Variants in GABPA observed in about 807,000 individuals in gnomAD.
GABPA encodes GA-binding protein alpha chain.
In GABPA, 4 loss-of-function variants were observed where a neutral mutation model predicts 59.4. That is an observed-to-expected ratio of 0.07 (90% CI 0.03 to 0.15). GABPA has a LOEUF of 0.15. Among genes scored for constraint, GABPA ranks in the 10% least tolerant of loss-of-function variants. The pLI, the probability that GABPA is intolerant of heterozygous loss-of-function variation, is 1.00. For missense variants in GABPA, 251 were observed against 543.8 expected, an observed-to-expected ratio of 0.46 and a Z score of 5.36; for synonymous variants, 164 against 183.1, an observed-to-expected ratio of 0.90 and a Z score of 0.84.
chr21:25,766,179 A>T (rs1175740263), intron 9 of GABPA, among the ~76,000 whole-genome samples: 3 of 151,918 alleles, frequency 2.0e-5, no homozygotes, highest in Admixed American at 2.0e-4. Flanking sequence ...TGAGGAAACG[A>T]CCTGCTTTTC....
chr21:25,769,748 A>G lies in GABPA; in HGVS notation c.*516A>G, dbSNP rs577186166. On this transcript the variant is annotated 3_prime_UTR_variant, in exon 10 of 10. Transcript: ENST00000400075. ...AAATGTTCATACCGAATAAATTTAT[A>G]TTAATAAATTACTAAACTAAGAGTA... 2.0e-5 allele frequency: 3 copies of G among 152,748 alleles called. No individual in the cohort carries two copies. The highest frequency in any genetic ancestry group is 4.4e-5 in the Non-Finnish European group (3 of 68,136). The allele number at this position is 152,748 out of a possible 1,614,324, so 9.5% of individuals were successfully genotyped here. A position where few individuals can be genotyped will look rare whatever the true frequency, so the allele number is the denominator to read the frequency against.
intron 5 of GABPA, among the ~76,000 whole-genome samples, chr21:25,752,984 G>T (rs561779533): frequency 6.6e-6 from 1 of 152,154 alleles, no homozygotes; most frequent in Admixed American, 6.5e-5. Flanking sequence ...ATTTTATGAG[G>T]GTAGAGAGGG....
In GABPA at chr21:25,772,349, A is replaced by T. The variant is rs1568958776; in HGVS notation, c.*3117A>T. The T allele has an allele frequency of 6.6e-6, 1 of 151,900 alleles. No individual in the cohort carries two copies. Among genetic ancestry groups the T allele is most frequent in the Non-Finnish European group, 1.5e-5 (1 of 67,882 alleles). 9.4% of individuals were successfully genotyped at this position (151,900 alleles called of 1,614,324 possible). Reference sequence around the variant, plus strand: ...AATTATGTATTTCTTTGTGGTTTTAATTTTTTTTGTAATTTTACATAAAAC... The same window carrying T: ...AATTATGTATTTCTTTGTGGTTTTATTTTTTTTTGTAATTTTACATAAAAC... On this transcript the variant is annotated 3_prime_UTR_variant, in exon 10 of 10. Coordinates refer to ENST00000400075, the MANE Select transcript of GABPA (RefSeq NM_002040.4).
chr21:25,769,257 A>G lies in GABPA; in HGVS notation c.*25A>G, dbSNP rs1446941313. ...AGCCCCAGGACATTCTGAGACTCCA[A>G]AGTCTTTCTTAAAATGTTTAGAGCA... On this transcript the variant is annotated 3_prime_UTR_variant, in exon 10 of 10. Transcript: ENST00000400075. 1 of 1,451,492 alleles carries G rather than the reference A, an allele frequency of 6.9e-7. No homozygotes were observed. Among genetic ancestry groups the G allele is most frequent in the East Asian group, 2.3e-5 (1 of 44,128 alleles). The allele number at this position is 1,451,492 out of a possible 1,614,324, so 89.9% of individuals were successfully genotyped here. A position where few individuals can be genotyped will look rare whatever the true frequency, so the allele number is the denominator to read the frequency against.
intron 3 of GABPA, among the ~76,000 whole-genome samples, chr21:25,747,828 A>G (rs995430826): frequency 1.3e-5 from 2 of 152,232 alleles, no homozygotes; most frequent in Non-Finnish European, 2.9e-5. Flanking sequence ...AAAACTTGAC[A>G]TTAAGACAAT....
chr21:25,765,227 G>A (rs1000636597), intron 9 of GABPA, among the ~76,000 whole-genome samples: 10 of 152,036 alleles, frequency 6.6e-5, no homozygotes, highest in African/African-American at 2.4e-4. Flanking sequence ...GTAGTATAAG[G>A]TTTTTTGACA....
chr21:25,758,867 C>G (rs886872799), intron 6 of GABPA, among the ~76,000 whole-genome samples: 1 of 151,902 alleles, frequency 6.6e-6, no homozygotes, highest in African/African-American at 2.4e-5. Flanking sequence ...GTTAGAAGTT[C>G]GAGACCAGCC....
intron 9 of GABPA, 133 bp downstream of exon 9, chr21:25,764,920 T>TA: frequency 1.7e-6 from 1 of 584,772 alleles, no homozygotes; most frequent in Non-Finnish European, 2.7e-6. Context: ...CTTTACATAT[T>TA]AAAAAACCTT....
chr21:25,746,615 G>A (rs2035372360), intron 3 of GABPA, among the ~76,000 whole-genome samples: 1 of 152,088 alleles, frequency 6.6e-6, no homozygotes, highest in Non-Finnish European at 1.5e-5. Flanking sequence ...ATTGGTGGTG[G>A]GTAGGGAAGA....
intron 2 of GABPA, 122 bp downstream of exon 2, chr21:25,741,797 A>T: frequency 1.7e-6 from 1 of 590,090 alleles, no homozygotes; most frequent in Non-Finnish European, 2.9e-6. Flanking sequence ...TTTAGGGAAT[A>T]ATGTATTGTT....
intron 5 of GABPA, among the ~76,000 whole-genome samples, chr21:25,757,755 C>T (rs1007924891): frequency 1.3e-5 from 2 of 149,802 alleles, no homozygotes; most frequent in African/African-American, 4.9e-5. Flanking sequence ...TTTTGTTTTT[C>T]TTGATACAGT....
intron 1 of GABPA, among the ~76,000 whole-genome samples, chr21:25,740,726 T>A (rs2035199089): frequency 6.6e-6 from 1 of 152,242 alleles, no homozygotes. Flanking sequence ...TTCTACTGTG[T>A]GTAATCAGGG....
At chr21:25,759,498 G>A (rs952226799) in intron 6 of GABPA, among the ~76,000 whole-genome samples, 1 of 152,144 alleles carries the variant, frequency 6.6e-6, no homozygotes, top group Non-Finnish European at 1.5e-5. Flanking sequence ...TTGAGATGAG[G>A]AGTTGAAAGT....
intron 4 of GABPA, among the ~76,000 whole-genome samples, chr21:25,749,829 C>T (rs1429219294): frequency 6.6e-6 from 1 of 152,150 alleles, no homozygotes. Context: ...AAAACTCTGT[C>T]TCAATCAGTC....
At position 25,745,374 on chromosome 21, in the gene GABPA, A is replaced by C; in HGVS notation, c.222+20A>C. 2.5e-6 allele frequency: 4 copies of C among 1,609,562 alleles called. No individual in the cohort carries two copies. Among genetic ancestry groups the C allele is most frequent in the Non-Finnish European group, 3.4e-6 (4 of 1,177,312 alleles). ...ATCCAGGTAATTTTTATTTTTGTAA[A>C]TTTCTATTGCAACATTTTAGTCTGC... On this transcript the variant is annotated intron_variant, in intron 3 of 9. Coordinates refer to ENST00000400075, the MANE Select transcript of GABPA (RefSeq NM_002040.4).
chr21:25,738,140 C>T (rs2035128193), intron 1 of GABPA, among the ~76,000 whole-genome samples: 1 of 152,182 alleles, frequency 6.6e-6, no homozygotes, highest in Non-Finnish European at 1.5e-5. Flanking sequence ...CCTGTGTGTA[C>T]ACCACATCTC....
intron 1 of GABPA, among the ~76,000 whole-genome samples, chr21:25,740,384 C>T (rs551836808): frequency 2.0e-5 from 3 of 152,248 alleles, no homozygotes; most frequent in Non-Finnish European, 4.4e-5. Context: ...TTTAAAGGTA[C>T]GCCTCTTTTT....
chr21:25,751,899 C>T, intron 4 of GABPA, 90 bp from the exon 5 acceptor site: 2 of 1,316,422 alleles, frequency 1.5e-6, no homozygotes, highest in Non-Finnish European at 2.1e-6. Context: ...TAGTTTTTCT[C>T]TACCATTTGG....
chr21:25,740,714 T>C (rs2035198534), intron 1 of GABPA, among the ~76,000 whole-genome samples: 2 of 152,338 alleles, frequency 1.3e-5, no homozygotes, highest in African/African-American at 4.8e-5. Context: ...TCATTAAAAA[T>C]TTTCTACTGT....
Sources: gnomAD v4.1 joint callset for allele counts (sites outside exome capture counted in the v4.1 genomes callset) on GRCh38, gnomAD v4.1.1 for gene constraint, MANE v1.5 for transcripts, NCBI Gene and HGNC (gene_info 2026-07-23, HGNC 2026-07-21) for gene names.